Variants in PLXNA4 observed in about 807,000 individuals in gnomAD.
The protein encoded by PLXNA4 is plexin-A4.
In PLXNA4, 44 loss-of-function variants were observed where a neutral mutation model predicts 191.8. The observed-to-expected ratio is 0.23, with a 90% confidence interval of 0.18 to 0.29. The LOEUF (loss-of-function observed/expected upper bound fraction) is 0.29, where lower values mean the gene tolerates loss of function less well. Among genes scored for constraint, PLXNA4 ranks in the 10% least tolerant of loss-of-function variants. The pLI is 1.00. For synonymous variants in PLXNA4, 1,082 were observed against 1,009.5 expected (o/e 1.07, Z -1.36); for missense variants, 1,800 against 2,488.8 (o/e 0.72, Z 5.89).
At chr7:132,559,048 A>T (rs770774112) in intron 1 of PLXNA4, among the ~76,000 whole-genome samples, 25 of 152,122 alleles carry the variant, frequency 1.6e-4, no homozygotes, top group Non-Finnish European at 3.1e-4. Flanking sequence ...ACCACAGATC[A>T]CTGTGGTTAG....
intron 2 of PLXNA4, among the ~76,000 whole-genome samples, chr7:132,605,608 A>C (rs1021550514): frequency 2.0e-5 from 3 of 152,076 alleles, no homozygotes; most frequent in African/African-American, 7.2e-5. Flanking sequence ...TTTGGTTATT[A>C]TTAATAGGTT....
chr7:132,139,812 AT>A (rs1563052165), intron 30 of PLXNA4, among the ~76,000 whole-genome samples: 1 of 152,158 alleles, frequency 6.6e-6, no homozygotes, highest in Non-Finnish European at 1.5e-5. Context: ...CTGCATGTAT[AT>A]TTCTTCACCT....
chr7:132,367,878 A>G (rs948135641), intron 3 of PLXNA4: 5 of 152,176 alleles, frequency 3.3e-5, no homozygotes, highest in African/African-American at 1.2e-4. Context: ...TACTTATTAG[A>G]TAAGAGAGCC....
intron 3 of PLXNA4, among the ~76,000 whole-genome samples, chr7:132,371,126 G>C (rs1306312329): frequency 6.6e-6 from 1 of 152,138 alleles, no homozygotes; most frequent in Non-Finnish European, 1.5e-5. Context: ...CCGTGGTTGG[G>C]CTGGGGAGAC....
chr7:132,227,512 G>A lies in PLXNA4; in HGVS notation c.1821C>T (p.Gly607=), dbSNP rs748779569. The part of the protein sequence containing the change: ...DLSEMDGLVV[G]NQIQCYSPAA... ...CAGGGGAGTAGCACTGGATCTGATTGCCCACGACCAGCCCATCCATCTCTG... is the reference window on the plus strand; with the variant it reads ...CAGGGGAGTAGCACTGGATCTGATTACCCACGACCAGCCCATCCATCTCTG... The change falls in exon 7 of 32, where the codon GGC becomes GGT. Residue 607 remains glycine, a synonymous_variant. Coordinates refer to ENST00000321063, the MANE Select transcript of PLXNA4 (RefSeq NM_020911.2). 3.7e-6 allele frequency: 6 copies of A among 1,614,170 alleles called. No homozygotes were observed. The highest frequency in any genetic ancestry group is 3.3e-5 in the South Asian group (3 of 91,074).
At chr7:132,208,206 C>A (rs1797689058) in intron 10 of PLXNA4, among the ~76,000 whole-genome samples, 1 of 152,188 alleles carries the variant, frequency 6.6e-6, no homozygotes, top group South Asian at 2.1e-4. Context: ...AGAGAGGCTC[C>A]CAGGAAATGT....
intron 5 of PLXNA4, among the ~76,000 whole-genome samples, chr7:132,237,042 G>C (rs565051912): frequency 6.6e-6 from 1 of 152,348 alleles, no homozygotes; most frequent in South Asian, 2.1e-4. Flanking sequence ...GAGCTCTCTG[G>C]ATAAAGAAAG....
At chr7:132,575,049 G>A (rs73724084) in intron 1 of PLXNA4, among the ~76,000 whole-genome samples, 3,354 of 152,216 alleles carry the variant, frequency 0.022, 112 homozygotes, top group African/African-American at 0.076. Flanking sequence ...TGCCTAGAAA[G>A]CTACCTCAAA....
At chr7:132,263,578 C>A (rs867536627) in intron 4 of PLXNA4, among the ~76,000 whole-genome samples, 1 of 152,194 alleles carries the variant, frequency 6.6e-6, no homozygotes, top group South Asian at 2.1e-4. Context: ...GAAGACAGAG[C>A]GGAGCTGACA....
At chr7:132,201,562 G>A (rs1797434554) in intron 12 of PLXNA4, among the ~76,000 whole-genome samples, 1 of 152,122 alleles carries the variant, frequency 6.6e-6, no homozygotes, top group South Asian at 2.1e-4. Context: ...CCCTCTTCCT[G>A]CTGCTTCATA....
At chr7:132,345,826 C>G (rs1169619079) in intron 3 of PLXNA4, among the ~76,000 whole-genome samples, 2 of 152,168 alleles carry the variant, frequency 1.3e-5, no homozygotes, top group Non-Finnish European at 2.9e-5. Flanking sequence ...TCTCTTGGCT[C>G]AAAGGACCGC....
chr7:132,326,984 GA>G (rs1435644381), intron 3 of PLXNA4, among the ~76,000 whole-genome samples: 1 of 124,592 alleles, frequency 8.0e-6, no homozygotes, highest in African/African-American at 2.8e-5. Flanking sequence ...AGAAAGGAAG[GA>G]AGCGAAGGAG....
intron 10 of PLXNA4, among the ~76,000 whole-genome samples, chr7:132,208,869 C>T (rs1213361689): frequency 2.6e-5 from 4 of 152,158 alleles, no homozygotes; most frequent in Admixed American, 6.5e-5. Context: ...CCTGGTGCTG[C>T]GGAGACCCTG....
chr7:132,565,487 G>A (rs1006698386), intron 1 of PLXNA4, among the ~76,000 whole-genome samples: 9 of 152,124 alleles, frequency 5.9e-5, no homozygotes, highest in Admixed American at 2.0e-4. Context: ...CTATTACACC[G>A]CAATTGTCAC....
intron 4 of PLXNA4, among the ~76,000 whole-genome samples, chr7:132,263,957 G>T (rs932196968): frequency 6.6e-6 from 1 of 152,142 alleles, no homozygotes; most frequent in Non-Finnish European, 1.5e-5. Context: ...GCTTTCTAGG[G>T]TGCATAAATG....
Position 132,491,667 on chromosome 7 carries a change from A to G in PLXNA4, c.1189-2193T>C, listed in dbSNP as rs951251321. Among the ~76,000 whole-genome samples the G allele has an allele frequency of 2.0e-5, 3 of 151,974 alleles. No individual in the cohort carries two copies. In the East Asian group the frequency reaches 5.8e-4, roughly 29 times the overall value. ...AAAAAAGAAAAATTATTGACCAGGC[A>G]TGGTGACTCATGCCTGTAATCCCGC... On this transcript the variant is annotated intron_variant, in intron 2 of 31. Transcript: ENST00000321063.
chr7:132,356,300 T>C (rs1283563763), intron 3 of PLXNA4, among the ~76,000 whole-genome samples: 1 of 152,228 alleles, frequency 6.6e-6, no homozygotes, highest in Non-Finnish European at 1.5e-5. Flanking sequence ...GTTGGGTTTA[T>C]AGCAATTTAA....
At chr7:132,557,760 A>G (rs926490886) in intron 1 of PLXNA4, among the ~76,000 whole-genome samples, 3 of 152,252 alleles carry the variant, frequency 2.0e-5, no homozygotes, top group Admixed American at 6.5e-5. Flanking sequence ...TGATAATTGT[A>G]TGGAAGAATA....
intron 2 of PLXNA4, among the ~76,000 whole-genome samples, chr7:132,496,524 C>T (rs1798017554): frequency 6.6e-6 from 1 of 152,222 alleles, no homozygotes; most frequent in South Asian, 2.1e-4. Flanking sequence ...GCCTCAGCCT[C>T]TTGAGTAGCT....
Sources: gnomAD v4.1 joint callset for allele counts (sites outside exome capture counted in the v4.1 genomes callset) on GRCh38, gnomAD v4.1.1 for gene constraint, MANE v1.5 for transcripts, NCBI Gene and HGNC (gene_info 2026-07-23, HGNC 2026-07-21) for gene names.